The following ACTRT1 variants were observed in gnomAD, a reference collection of about 807,000 sequenced individuals.
ACTRT1 encodes the protein actin related protein T1, also known as actin-related protein T1.
ACTRT1 carries 1 observed loss-of-function variant against 1.4 expected under a neutral mutation model. That is an observed-to-expected ratio of 0.69 (90% CI 0.25 to 3.28). The LOEUF is 3.28. Ranked by LOEUF, ACTRT1 falls within the 30% of genes most tolerant of loss-of-function variation. The pLI, the probability that ACTRT1 is intolerant of heterozygous loss-of-function variation, is 0.20. For synonymous variants in ACTRT1, 121 were observed against 115.2 expected (o/e 1.05, Z -0.32); for missense variants, 334 against 291.5 (o/e 1.15, Z -1.06).
Position 128,052,089 on chromosome X carries a change from C to T in ACTRT1, c.118G>A (p.Gly40Arg), listed in dbSNP as rs375823292. ...GPRHVISSVLGHCKFNVPLAR... is the reference protein window; with the variant it reads ...GPRHVISSVLRHCKFNVPLAR... The stretch of plus-strand genomic sequence containing the variant: ...AAAGGCACATTGAATTTACAATGTC[C>T]CAAGACGGAGCTGATGACATGGCGG... The change falls in exon 1 of 1, where the codon GGA becomes AGA. Residue 40 changes from glycine to arginine, a missense_variant. By Grantham distance (125) the Gly-to-Arg change is moderately radical (BLOSUM62 -2). Transcript: ENST00000371124. The T allele has an allele frequency of 8.7e-5, 105 of 1,209,963 alleles. No homozygotes were observed. In the Middle Eastern group the frequency reaches 1.4e-3, roughly 16 times the overall value.
At position 128,051,743 on chromosome X, in the gene ACTRT1, A is replaced by T; in HGVS notation, c.464T>A (p.Val155Glu). 8.3e-7 allele frequency: 1 copy of T among 1,211,223 alleles called. No homozygotes were observed. The highest frequency in any genetic ancestry group is 1.1e-6 in the Non-Finnish European group (1 of 895,395). Reference protein sequence around the residue: ...LYASACVTGLVVDSGDGVTCT... With the variant: ...LYASACVTGLEVDSGDGVTCT... ...AGTGACCCCATCTCCACTGTCCACC[A>T]CCAGGCCTGTGACACAGGCAGAGGC... The change falls in exon 1 of 1, where the codon GTG becomes GAG. Residue 155 changes from valine to glutamate, a missense_variant. By Grantham distance (121) the Val-to-Glu change is moderately radical. Coordinates refer to ENST00000371124, the MANE Select transcript of ACTRT1 (RefSeq NM_138289.4).
rs775153165 is a variant in ACTRT1 at position 128,051,364 on chromosome X, G to T, written c.843C>A (p.Ser281Arg). Residue 281 changes from serine to arginine, a missense_variant, in exon 1 of 1, where the codon AGC (serine) becomes AGA (arginine). By Grantham distance (110) the Ser-to-Arg change is moderately radical (BLOSUM62 -1). Transcript: ENST00000371124. ...HSPGLSKMVS[S>R]SIMKCDTDIQ... ...TGTCAGTGTCACACTTCATGATGCT[G>T]CTGGAGACCATTTTTGAGAGTCCTG... The T allele has an allele frequency of 9.1e-6, 11 of 1,210,746 alleles. No homozygotes were observed. In the South Asian group the frequency reaches 1.1e-4, roughly 12 times the overall value.
Position 128,051,615 on chromosome X carries a change from C to T in ACTRT1, c.592G>A (p.Ala198Thr). 1 of 1,211,077 alleles carries T rather than the reference C, an allele frequency of 8.3e-7. No homozygotes were observed. The change falls in exon 1 of 1, where the codon GCT becomes ACT. Residue 198 changes from alanine (A) to threonine (T), a missense_variant. Coordinates refer to ENST00000371124, the MANE Select transcript of ACTRT1 (RefSeq NM_138289.4). ...ATGCAAGGGAAGTTAAACCCGCTAG[C>T]AAAGAGGAGCCGGGTGAGGTGCTCT... ...ITEHLTRLLF[A>T]SGFNFPCILN...
At position 128,051,965 on chromosome X, in the gene ACTRT1, C is replaced by T. The variant is rs767833335; in HGVS notation, c.242G>A (p.Gly81Glu). ...CCAGAGTTTCTCCATGTCATCCCAT[C>T]CTGTTACCAGTCCACGCTCAATGGG... Reference protein sequence around the residue: ...HYPIERGLVTGWDDMEKLWKH... With the variant: ...HYPIERGLVTEWDDMEKLWKH... Residue 81 changes from glycine to glutamate, a missense_variant, in exon 1 of 1, where the codon GGA becomes GAA. Coordinates refer to ENST00000371124, the MANE Select transcript of ACTRT1 (RefSeq NM_138289.4). 11 of 1,210,241 alleles carry T rather than the reference C, an allele frequency of 9.1e-6. No individual in the cohort carries two copies. In the African/African-American group the frequency reaches 1.6e-4, roughly 17 times the overall value.
Position 128,051,965 on chromosome X carries a change from C to A in ACTRT1, c.242G>T (p.Gly81Val). Residue 81 changes from glycine (G) to valine (V), a missense_variant, in exon 1 of 1, where the codon GGA becomes GTA. By Grantham distance (109) the Gly-to-Val change is moderately radical. Transcript: ENST00000371124. ...CCAGAGTTTCTCCATGTCATCCCAT[C>A]CTGTTACCAGTCCACGCTCAATGGG... ...HYPIERGLVT[G>V]WDDMEKLWKH... 3.3e-6 allele frequency: 4 copies of A among 1,211,959 alleles called. No individual in the cohort carries two copies. The highest frequency in any genetic ancestry group is 4.5e-6 in the Non-Finnish European group (4 of 895,579).
At position 128,051,127 on chromosome X, in the gene ACTRT1, C is replaced by A; in HGVS notation, c.1080G>T (p.Ser360=). 1.7e-6 allele frequency: 2 copies of A among 1,209,598 alleles called. No homozygotes were observed. Among genetic ancestry groups the A allele is most frequent in the Non-Finnish European group, 2.2e-6 (2 of 895,091 alleles). The change falls in exon 1 of 1, where the codon TCG becomes TCT. Residue 360 remains serine, a synonymous_variant. Coordinates refer to ENST00000371124, the MANE Select transcript of ACTRT1 (RefSeq NM_138289.4). ...ATGTCCCATACTCCTTGAAGTCTGC[C>A]GAGGTGACCCACATCTGCTTGAAAC... The part of the protein sequence containing the change: ...MSSFKQMWVT[S]ADFKEYGTSV...
Position 128,051,779 on chromosome X carries a change from G to C in ACTRT1, c.428C>G (p.Ala143Gly). Reference protein sequence around the residue: ...PGFYLSNHAVAALYASACVTG... With the variant: ...PGFYLSNHAVGALYASACVTG... The stretch of plus-strand genomic sequence containing the variant: ...GACACAGGCAGAGGCATAGAGCGCT[G>C]CCACCGCATGATTAGACAGGTAGAA... Residue 143 changes from alanine (A) to glycine (G), a missense_variant, in exon 1 of 1, where the codon GCA (alanine) becomes GGA (glycine). Ala to Gly is a moderately conservative substitution (Grantham distance 60). Transcript: ENST00000371124. 8.3e-7 allele frequency: 1 copy of C among 1,210,995 alleles called. No individual in the cohort carries two copies. The highest frequency in any genetic ancestry group is 1.1e-6 in the Non-Finnish European group (1 of 895,168).
Position 128,052,301 on chromosome X carries a change from T to A in ACTRT1, c.-95A>T. On this transcript the variant is annotated 5_prime_UTR_variant, in exon 1 of 1. Transcript: ENST00000371124. ...AGGCACCTTTAGAATTTTTTAAACT[T>A]CAGGGTTCTGAAGTTTCAAGTTGTC... 1 of 1,019,086 alleles carries A rather than the reference T, an allele frequency of 9.8e-7. No homozygotes were observed. The highest frequency in any genetic ancestry group is 1.3e-6 in the Non-Finnish European group (1 of 757,449). 84.0% of individuals were successfully genotyped at this position (1,019,086 alleles called of 1,213,427 possible).
chrX:128,051,503 C>T lies in ACTRT1; in HGVS notation c.704G>A (p.Gly235Glu). Reference protein sequence around the residue: ...EPEKELRKSRGEVLGAYRLPD... With the variant: ...EPEKELRKSREEVLGAYRLPD... ...CAGTCTGTATGCTCCCAGGACCTCT[C>T]CCCGGCTCTTGCGTAGCTCTTTCTC... The change falls in exon 1 of 1, where the codon GGA becomes GAA. Residue 235 changes from glycine to glutamate, a missense_variant. Gly to Glu is a moderately conservative substitution (Grantham distance 98, BLOSUM62 -2). Transcript: ENST00000371124. 4 of 1,210,963 alleles carry T rather than the reference C, an allele frequency of 3.3e-6. No individual in the cohort carries two copies.
chrX:128,052,021 C>A lies in ACTRT1; in HGVS notation c.186G>T (p.Leu62=). The change falls in exon 1 of 1, where the codon CTG becomes CTT. Residue 62 remains leucine, a synonymous_variant. Transcript: ENST00000371124. The part of the protein sequence containing the change: ...NQKYFVGQEA[L]YKYEALHLHY... ...GCAAATGTAGGGCCTCATACTTGTA[C>A]AGGGCTTCTTGCCCCACGAAGTACT... 1 of 1,211,501 alleles carries A rather than the reference C, an allele frequency of 8.3e-7. No individual in the cohort carries two copies.
chrX:128,051,411 C>A lies in ACTRT1; in HGVS notation c.796G>T (p.Asp266Tyr). The A allele has an allele frequency of 8.3e-7, 1 of 1,210,643 alleles. No homozygotes were observed. Among genetic ancestry groups the A allele is most frequent in the Non-Finnish European group, 1.1e-6 (1 of 895,318 alleles). The change falls in exon 1 of 1, where the codon GAC becomes TAC. Residue 266 changes from aspartate (D) to tyrosine (Y), a missense_variant. Coordinates refer to ENST00000371124, the MANE Select transcript of ACTRT1 (RefSeq NM_138289.4). ...CCTGGGCTGTGGATGCCCAGCTGGT[C>A]AGGTGCAAAAAGAACCTCGGGCACT... Reference protein sequence around the residue: ...YQVPEVLFAPDQLGIHSPGLS... With the variant: ...YQVPEVLFAPYQLGIHSPGLS...
In ACTRT1 at chrX:128,051,683, G is replaced by A. The variant is rs749938467; in HGVS notation, c.524C>T (p.Pro175Leu). The A allele has an allele frequency of 2.5e-6, 3 of 1,209,203 alleles. No homozygotes were observed. The African/African-American group carries it at 5.3e-5, about 21-fold the overall frequency. Reference sequence around the variant, plus strand: ...CATACAGAGTTTGGTGACTGCGTGAGGCAGGGAGTAACCCTCAAAGATGGG... The same window carrying A: ...CATACAGAGTTTGGTGACTGCGTGAAGCAGGGAGTAACCCTCAAAGATGGG... ...TVPIFEGYSL[P>L]HAVTKLCMAG... is the part of the protein sequence containing the mutation. Residue 175 changes from proline to leucine, a missense_variant, in exon 1 of 1, where the codon CCT becomes CTT. Pro to Leu is a moderately conservative substitution (Grantham distance 98, BLOSUM62 -3). Coordinates refer to ENST00000371124, the MANE Select transcript of ACTRT1 (RefSeq NM_138289.4).
Position 128,052,047 on chromosome X carries a change from T to G in ACTRT1, c.160A>C (p.Lys54Gln). 1.7e-6 allele frequency: 2 copies of G among 1,211,349 alleles called. No individual in the cohort carries two copies. Among genetic ancestry groups the G allele is most frequent in the Non-Finnish European group, 2.2e-6 (2 of 895,420 alleles). Residue 54 changes from lysine to glutamine, a missense_variant, in exon 1 of 1, where the codon AAG (lysine) becomes CAG (glutamine). Transcript: ENST00000371124. ...FNVPLARLNQ[K>Q]YFVGQEALYK... ...AGGGCTTCTTGCCCCACGAAGTACT[T>G]CTGATTAAGTCTTGCTAAAGGCACA...
Position 128,051,844 on chromosome X carries a change from C to T in ACTRT1, c.363G>A (p.Lys121=). 8.3e-7 allele frequency: 1 copy of T among 1,211,616 alleles called. No homozygotes were observed. The highest frequency in any genetic ancestry group is 1.1e-6 in the Non-Finnish European group (1 of 895,523). ...PSLNPREIRE[K]LAEMMFETFS... ...AGGTCTCAAACATCATTTCTGCTAG[C>T]TTTTCTCGAATTTCCCTAGGATTCA... Residue 121 remains lysine (K), a synonymous_variant, in exon 1 of 1, where the codon AAG becomes AAA. Coordinates refer to ENST00000371124, the MANE Select transcript of ACTRT1 (RefSeq NM_138289.4).
Position 128,051,627 on chromosome X carries a change from G to A in ACTRT1, c.580C>T (p.Arg194Trp), listed in dbSNP as rs1030175845. 6 of 1,208,840 alleles carry A rather than the reference G, an allele frequency of 5.0e-6. No homozygotes were observed. The highest frequency in any genetic ancestry group is 2.2e-5 in the Admixed American group (1 of 45,637). The change falls in exon 1 of 1, where the codon CGG becomes TGG. Residue 194 changes from arginine to tryptophan, a missense_variant. Arg to Trp is a moderately radical substitution (Grantham distance 101). Coordinates refer to ENST00000371124, the MANE Select transcript of ACTRT1 (RefSeq NM_138289.4). ...TTAAACCCGCTAGCAAAGAGGAGCC[G>A]GGTGAGGTGCTCTGTGATGTCCCTC... ...AGRDITEHLTRLLFASGFNFP... is the reference protein window; with the variant it reads ...AGRDITEHLTWLLFASGFNFP...
rs1290759011 is a variant in ACTRT1 at position 128,051,348 on chromosome X, C to A, written c.859G>T (p.Asp287Tyr). ...TAAAGTTTATTCTGGATGTCAGTGTCACACTTCATGATGCTGCTGGAGACC... is the reference window on the plus strand; with the variant it reads ...TAAAGTTTATTCTGGATGTCAGTGTAACACTTCATGATGCTGCTGGAGACC... ...KMVSSSIMKC[D>Y]TDIQNKLYAD... Residue 287 changes from aspartate (D) to tyrosine (Y), a missense_variant, in exon 1 of 1, where the codon GAC becomes TAC. By Grantham distance (160) the Asp-to-Tyr change is radical. Transcript: ENST00000371124. 1 of 1,207,798 alleles carries A rather than the reference C, an allele frequency of 8.3e-7. No individual in the cohort carries two copies. Among genetic ancestry groups the A allele is most frequent in the African/African-American group, 1.8e-5 (1 of 56,490 alleles).
rs759688974 is a variant in ACTRT1 at position 128,051,031 on chromosome X, T to G, written c.*45A>C. ...AGAAAATGCCATCTCCCACTGGTAC[T>G]CCTGTAATCTGACACTTCAAGATGT... On this transcript the variant is annotated 3_prime_UTR_variant, in exon 1 of 1. Coordinates refer to ENST00000371124, the MANE Select transcript of ACTRT1 (RefSeq NM_138289.4). 5.2e-6 allele frequency: 6 copies of G among 1,161,222 alleles called. No individual in the cohort carries two copies. Among genetic ancestry groups the G allele is most frequent in the Admixed American group, 4.8e-5 (2 of 41,400 alleles).
chrX:128,051,620 A>G lies in ACTRT1; in HGVS notation c.587T>C (p.Leu196Pro), dbSNP rs993688636. ...AGGGAAGTTAAACCCGCTAGCAAAG[A>G]GGAGCCGGGTGAGGTGCTCTGTGAT... The part of the protein sequence containing the change: ...RDITEHLTRL[L>P]FASGFNFPCI... The change falls in exon 1 of 1, where the codon CTC becomes CCC. Residue 196 changes from leucine (L) to proline (P), a missense_variant. Physicochemically the swap from Leu to Pro is moderately conservative, Grantham distance 98. Coordinates refer to ENST00000371124, the MANE Select transcript of ACTRT1 (RefSeq NM_138289.4). The G allele has an allele frequency of 1.7e-5, 20 of 1,211,214 alleles. No individual in the cohort carries two copies. The highest frequency in any genetic ancestry group is 2.1e-5 in the Non-Finnish European group (19 of 895,408).
Position 128,051,584 on chromosome X carries a change from TTGAG to T in ACTRT1, c.619_622del (p.Leu207ThrfsTer5), listed in dbSNP as rs771674435. 27 of 1,208,950 alleles carry T rather than the reference TTGAG, an allele frequency of 2.2e-5. No individual in the cohort carries two copies. In the African/African-American group the frequency reaches 4.2e-4, roughly 19 times the overall value. On this transcript the variant is annotated frameshift_variant, in exon 1 of 1. Coordinates refer to ENST00000371124, the MANE Select transcript of ACTRT1 (RefSeq NM_138289.4). LOFTEE classifies it low-confidence loss of function (END_TRUNC). Reference sequence around the variant, plus strand: ...TTTGATGTTATTTACCACGGCCTTGTTGAGTATGCAAGGGAAGTTAAACCCGCTA... The same window carrying T: ...TTTGATGTTATTTACCACGGCCTTGTTATGCAAGGGAAGTTAAACCCGCTA...
Sources: gnomAD v4.1 joint callset for allele counts on GRCh38, gnomAD v4.1.1 for gene constraint, MANE v1.5 for transcripts, NCBI Gene and HGNC (gene_info 2026-07-23, HGNC 2026-07-21) for gene names.